Variants in GABRB1 observed in about 807,000 individuals in gnomAD.
GABRB1 encodes gamma-aminobutyric acid type A receptor subunit beta1.
GABRB1 carries 17 observed loss-of-function variants against 51.6 expected under a neutral mutation model. That is an observed-to-expected ratio of 0.33 (90% CI 0.23 to 0.49). The LOEUF is 0.49. Among genes scored for constraint, GABRB1 ranks in the 20% least tolerant of loss-of-function variants. GABRB1 has a pLI of 0.99. For synonymous variants in GABRB1, 247 were observed against 218.9 expected (o/e 1.13, Z -1.14); for missense variants, 410 against 600.6 (o/e 0.68, Z 3.32).
At chr4:47,225,050 A>C (rs1300186566) in intron 4 of GABRB1, among the ~76,000 whole-genome samples, 4 of 152,016 alleles carry the variant, frequency 2.6e-5, no homozygotes, top group African/African-American at 9.7e-5. Flanking sequence ...ATGCACCACC[A>C]TACCGGGCTA....
chr4:47,230,970 A>G (rs181457552), intron 4 of GABRB1, among the ~76,000 whole-genome samples: 24 of 152,266 alleles, frequency 1.6e-4, no homozygotes, highest in African/African-American at 5.5e-4. Flanking sequence ...TCAGTACTCA[A>G]TATGGGCTGG....
intron 5 of GABRB1, among the ~76,000 whole-genome samples, chr4:47,399,581 G>A (rs1728308474): frequency 6.6e-6 from 1 of 152,126 alleles, no homozygotes; most frequent in Non-Finnish European, 1.5e-5. Flanking sequence ...TCTTTCTAAG[G>A]TGGAGTCCCT....
intron 4 of GABRB1, among the ~76,000 whole-genome samples, chr4:47,303,331 T>C (rs1724329925): frequency 6.6e-6 from 1 of 151,432 alleles, no homozygotes; most frequent in Non-Finnish European, 1.5e-5. Flanking sequence ...TAGTTTAAAT[T>C]ACACTTTAAA....
intron 3 of GABRB1, among the ~76,000 whole-genome samples, chr4:47,144,873 A>C (rs1487318608): frequency 6.6e-6 from 1 of 151,946 alleles, no homozygotes; most frequent in Non-Finnish European, 1.5e-5. Context: ...GTTGGGAAAC[A>C]GATGAATAGT....
chr4:47,110,128 T>G (rs1188391913), intron 3 of GABRB1, among the ~76,000 whole-genome samples: 1 of 152,174 alleles, frequency 6.6e-6, no homozygotes. Flanking sequence ...AGTTAGCAGT[T>G]CTGGGCTTTT....
At chr4:47,361,911 G>T (rs1312087181) in intron 5 of GABRB1, among the ~76,000 whole-genome samples, 1 of 152,098 alleles carries the variant, frequency 6.6e-6, no homozygotes, top group East Asian at 1.9e-4. Flanking sequence ...TCTCAGAGGA[G>T]AAATCTAGGC....
chr4:47,255,567 G>T (rs1342007656), intron 4 of GABRB1, among the ~76,000 whole-genome samples: 3 of 152,204 alleles, frequency 2.0e-5, no homozygotes, highest in Admixed American at 1.3e-4. Context: ...TTTGATGCCT[G>T]AAATGAGTCT....
chr4:47,156,234 G>T (rs918264185), intron 3 of GABRB1, among the ~76,000 whole-genome samples: 1 of 151,474 alleles, frequency 6.6e-6, no homozygotes, highest in Non-Finnish European at 1.5e-5. Context: ...ATCCATTACT[G>T]CCTGTTTTTT....
intron 5 of GABRB1, among the ~76,000 whole-genome samples, chr4:47,342,452 A>G (rs953586893): frequency 6.6e-5 from 10 of 152,210 alleles, no homozygotes; most frequent in Non-Finnish European, 1.2e-4. Flanking sequence ...GACAAAAACA[A>G]AGGAAAACTA....
intron 3 of GABRB1, among the ~76,000 whole-genome samples, chr4:47,056,182 T>C (rs1365463269): frequency 6.6e-6 from 1 of 152,190 alleles, no homozygotes; most frequent in Non-Finnish European, 1.5e-5. Context: ...TTAAGCCGAA[T>C]AGGAATGTTA....
At chr4:47,216,576 T>C (rs974588571) in intron 4 of GABRB1, among the ~76,000 whole-genome samples, 1 of 151,886 alleles carries the variant, frequency 6.6e-6, no homozygotes, top group Non-Finnish European at 1.5e-5. Context: ...CAGATTAGTA[T>C]ATAGGTCAAG....
chr4:47,377,445 T>C (rs556812242), intron 5 of GABRB1, among the ~76,000 whole-genome samples: 2 of 152,140 alleles, frequency 1.3e-5, no homozygotes, highest in African/African-American at 4.8e-5. Flanking sequence ...GTGGTCTCGG[T>C]GGCTCAGGAG....
At chr4:46,994,792 T>C (rs554818525) in intron 1 of GABRB1, among the ~76,000 whole-genome samples, 1 of 152,348 alleles carries the variant, frequency 6.6e-6, no homozygotes, top group African/African-American at 2.4e-5. Flanking sequence ...TCCCATACCT[T>C]GGAACCAAAC....
At chr4:47,156,743 G>A (rs945334744) in intron 3 of GABRB1, among the ~76,000 whole-genome samples, 1 of 151,918 alleles carries the variant, frequency 6.6e-6, no homozygotes, top group Admixed American at 6.6e-5. Flanking sequence ...CCGAGGGGGG[G>A]CAGATCACCT....
At chr4:47,064,634 T>A (rs1577874262) in intron 3 of GABRB1, among the ~76,000 whole-genome samples, 2 of 94,178 alleles carry the variant, frequency 2.1e-5, no homozygotes, top group African/African-American at 4.2e-5. Flanking sequence ...GCGAGGAGAC[T>A]CCATCTCAAA....
rs5858061 is a variant in GABRB1 at position 47,273,864 on chromosome 4, TACACACAC to T, written c.462-46233_462-46226del. 2.7e-4 allele frequency among the ~76,000 whole-genome samples: 33 copies of T among 122,418 alleles called. No homozygotes were observed. The East Asian group carries it at 4.9e-3, about 18-fold the overall frequency. 80.3% of individuals were successfully genotyped at this position (122,418 alleles called of 152,430 possible). On this transcript the variant is annotated intron_variant, in intron 4 of 8. Transcript: ENST00000295454. ...TGTTTGAAAGTAAACCATATATACA[TACACACAC>T]ACACACACACACACACACACACACA...
At chr4:47,028,675 A>G (rs1725178293), upstream of GABRB1, among the ~76,000 whole-genome samples, 1 of 151,178 alleles carries the variant, frequency 6.6e-6, no homozygotes. Context: ...GATTCATTTG[A>G]ACCTTAAAGT....
At chr4:47,242,871 G>A (rs772906703) in intron 4 of GABRB1, among the ~76,000 whole-genome samples, 4 of 152,170 alleles carry the variant, frequency 2.6e-5, no homozygotes, top group Non-Finnish European at 5.9e-5. Context: ...CTTTTGCTGT[G>A]CAGAAGCTCT....
intron 3 of GABRB1, among the ~76,000 whole-genome samples, chr4:47,045,460 CAT>C (rs1228264176): frequency 2.0e-5 from 3 of 151,542 alleles, no homozygotes; most frequent in African/African-American, 7.3e-5. Flanking sequence ...TCATCATCAT[CAT>C]CATCATCATC....
Sources: allele counts gnomAD v4.1 joint callset (sites outside exome capture counted in the v4.1 genomes callset), GRCh38; gene constraint gnomAD v4.1.1; transcripts MANE v1.5; gene names NCBI Gene and HGNC (gene_info 2026-07-23, HGNC 2026-07-21).